Variants in FCHO1 observed in about 807,000 individuals in gnomAD.
FCHO1 encodes F-BAR domain only protein 1.
Under a neutral mutation model 114.4 loss-of-function variants are expected in FCHO1, and 45 were observed. The observed-to-expected ratio is 0.39, with a 90% CI of 0.31 to 0.50. The LOEUF (loss-of-function observed/expected upper bound fraction) is 0.50, where lower values mean the gene tolerates loss of function less well. FCHO1 is among the 20% of genes least tolerant of loss of function. The probability of loss-of-function intolerance (pLI) is 0.77; values close to 1 mark genes in which losing one functional copy is unlikely to be tolerated. For synonymous variants in FCHO1, 480 were observed against 488.9 expected (o/e 0.98, Z 0.24); for missense variants, 1,042 against 1,209.6 (o/e 0.86, Z 2.06).
At position 17,776,202 on chromosome 19, in the gene FCHO1, C is replaced by T; in HGVS notation, c.1182+41C>T. ...GGTGCCCTGGGTGTTGCTAGAGAGG[C>T]TGGCTGGATGCATTCGTGTGTGATG... On this transcript the variant is annotated intron_variant, in intron 16 of 28. Transcript: ENST00000596536. The surrounding 1 kb of genome is among the most constrained non-coding windows in gnomAD (Gnocchi z 4.4). The T allele has an allele frequency of 6.2e-7, 1 of 1,614,052 alleles. No homozygotes were observed. Among genetic ancestry groups the T allele is most frequent in the East Asian group, 2.2e-5 (1 of 44,864 alleles).
At chr19:17,760,785 G>T (rs1466997379) in intron 4 of FCHO1, among the ~76,000 whole-genome samples, 1 of 152,088 alleles carries the variant, frequency 6.6e-6, no homozygotes, top group East Asian at 1.9e-4. Flanking sequence ...GAGTAGCTGG[G>T]ATTACAGGCA....
intron 23 of FCHO1, 138 bp downstream of exon 23, chr19:17,781,958 T>G (rs2093453475): frequency 1.9e-6 from 1 of 531,700 alleles, no homozygotes; most frequent in Non-Finnish European, 3.2e-6. Flanking sequence ...CAGGCCCCTG[T>G]CCTGAGGGCA....
chr19:17,765,530 G>A (rs183614625), intron 6 of FCHO1, among the ~76,000 whole-genome samples: 183 of 152,032 alleles, frequency 1.2e-3, no homozygotes, highest in African/African-American at 4.4e-3. Flanking sequence ...AAAATTAGCC[G>A]GGCATGGTGG....
rs958904864 is a variant in FCHO1, at chr19:17,762,647, G to A, written c.28-115G>A. 1.2e-4 allele frequency: 99 copies of A among 803,098 alleles called. No homozygotes were observed. The African/African-American group carries it at 1.2e-3, about 10-fold the overall frequency. The allele number at this position is 803,098 out of a possible 1,614,324, so 49.7% of individuals were successfully genotyped here. A position where few individuals can be genotyped will look rare whatever the true frequency, so the allele number is the denominator to read the frequency against. ...GCAGCAAGCTGATTCGCTCAGGCCC[G>A]AACAAGTCCCTACAGCCAAGGGGAT... On this transcript the variant is annotated intron_variant, in intron 4 of 28. Transcript: ENST00000596536.
At chr19:17,756,821 G>A (rs530072604) in intron 4 of FCHO1, among the ~76,000 whole-genome samples, 35 of 152,300 alleles carry the variant, frequency 2.3e-4, no homozygotes, top group African/African-American at 7.0e-4. Flanking sequence ...GGGCAGGGCC[G>A]AAGCATGAAG....
intron 4 of FCHO1, among the ~76,000 whole-genome samples, chr19:17,756,806 C>T (rs977597636): frequency 2.0e-5 from 3 of 152,094 alleles, no homozygotes; most frequent in Non-Finnish European, 1.5e-5. Context: ...AGTCTCATTG[C>T]GCCAGGGCAG....
chr19:17,784,919 C>T lies in FCHO1; in HGVS notation c.2421C>T (p.Ala807=). The change falls in exon 26 of 29, where the codon GCC becomes GCT. Residue 807 remains alanine, a synonymous_variant. Coordinates refer to ENST00000596536, the MANE Select transcript of FCHO1 (RefSeq NM_015122.3). This position sits in a 1 kb window ranked among gnomAD's most constrained non-coding sequence, Gnocchi z 5.3. ...CCAACGTCCGCTTGCAGCCGGCTGC[C>T]ACCTGGTGAGGGCTTGCGGGAGGCC... ...PVTNVRLQPA[A]TWNLEEKRLT... 2 of 1,611,000 alleles carry T rather than the reference C, an allele frequency of 1.2e-6. No homozygotes were observed. The highest frequency in any genetic ancestry group is 1.3e-5 in the African/African-American group (1 of 75,064).
In FCHO1 at chr19:17,766,746, A is replaced by G. The variant is rs966279633; in HGVS notation, c.272A>G (p.Lys91Arg). 13 of 1,613,982 alleles carry G rather than the reference A, an allele frequency of 8.1e-6. No individual in the cohort carries two copies. The highest frequency in any genetic ancestry group is 1.3e-5 in the African/African-American group (1 of 74,910). The change falls in exon 7 of 29, where the codon AAG becomes AGG. Residue 91 changes from lysine to arginine, a missense_variant. This residue lies in a region of FCHO1 where 450 missense variants were observed against 564.1 expected (regional missense o/e 0.80). Coordinates refer to ENST00000596536, the MANE Select transcript of FCHO1 (RefSeq NM_015122.3). Reference sequence around the variant, plus strand: ...CTGTGCCACCTGGAACTGACACGGAAGTTACAGGATCTCATCAAGGACGTT... The same window carrying G: ...CTGTGCCACCTGGAACTGACACGGAGGTTACAGGATCTCATCAAGGACGTT... ...LALCHLELTR[K>R]LQDLIKDVLR...
At position 17,784,496 on chromosome 19, in the gene FCHO1, C is replaced by T. The variant is rs1041429380; in HGVS notation, c.2227-229C>T. Among the ~76,000 whole-genome samples, 6 of 152,122 alleles carry T rather than the reference C, an allele frequency of 3.9e-5. No individual in the cohort carries two copies. Among genetic ancestry groups the T allele is most frequent in the South Asian group, 2.1e-4 (1 of 4,834 alleles). ...ATGTGAACTAGAAGCAGCCCAGCCCCGGAACCTTACACTTGAACTTCCCTG... is the reference window on the plus strand; with the variant it reads ...ATGTGAACTAGAAGCAGCCCAGCCCTGGAACCTTACACTTGAACTTCCCTG... On this transcript the variant is annotated intron_variant, in intron 25 of 28. Transcript: ENST00000596536. The surrounding 1 kb of genome is among the most constrained non-coding windows in gnomAD (Gnocchi z 5.3).
At chr19:17,788,247 C>T in intron 28 of FCHO1, 37 bp from the exon 29 acceptor site, 1 of 1,257,316 alleles carries the variant, frequency 8.0e-7, no homozygotes, top group Non-Finnish European at 1.2e-6. Context: ...CGTACCCCTC[C>T]TCCCCACCCC....
Position 17,784,827 on chromosome 19 carries a change from G to A in FCHO1, c.2329G>A (p.Gly777Ser), listed in dbSNP as rs142335294. 4.1e-5 allele frequency: 66 copies of A among 1,613,846 alleles called. No homozygotes were observed. Among genetic ancestry groups the A allele is most frequent in the East Asian group, 8.9e-5 (4 of 44,902 alleles). Residue 777 changes from glycine (G) to serine (S), a missense_variant, in exon 26 of 29, where the codon GGT becomes AGT. Physicochemically the swap from Gly to Ser is moderately conservative, Grantham distance 56. This residue lies in a region of FCHO1 where 137 missense variants were observed against 190.0 expected (regional missense o/e 0.72). Transcript: ENST00000596536. The surrounding 1 kb of genome is among the most constrained non-coding windows in gnomAD (Gnocchi z 5.3). ...QVSVEYGYRPGATAVPTPLTN... is the reference protein window; with the variant it reads ...QVSVEYGYRPSATAVPTPLTN... ...CTCAGTGGAGTACGGCTACCGGCCC[G>A]GTGCCACGGCTGTGCCCACACCACT...
chr19:17,757,939 G>A (rs1276255087), intron 4 of FCHO1, among the ~76,000 whole-genome samples: 22 of 148,092 alleles, frequency 1.5e-4, no homozygotes, highest in South Asian at 2.1e-4. Context: ...AAAAAAAGCC[G>A]GGTGCGGTGG....
At chr19:17,781,381 C>T (rs200255536) in intron 21 of FCHO1, 38 bp downstream of exon 21, 176 of 1,607,326 alleles carry the variant, frequency 1.1e-4, no homozygotes, top group Non-Finnish European at 1.1e-4. Context: ...GACTGGGGGT[C>T]GCGTCTGGGG....
In FCHO1 at chr19:17,778,747, G is replaced by A. The variant is rs771028517; in HGVS notation, c.1490G>A (p.Gly497Asp). The A allele has an allele frequency of 1.3e-6, 2 of 1,539,500 alleles. No homozygotes were observed. The highest frequency in any genetic ancestry group is 2.4e-5 in the South Asian group (2 of 84,212). Residue 497 changes from glycine to aspartate, a missense_variant, in exon 20 of 29, where the codon GGC (glycine) becomes GAC (aspartate). Coordinates refer to ENST00000596536, the MANE Select transcript of FCHO1 (RefSeq NM_015122.3). Reference protein sequence around the residue: ...PSPDSWVPRPGTPQSPPSCRA... With the variant: ...PSPDSWVPRPDTPQSPPSCRA... ...CCAGATTCCTGGGTCCCCCGCCCAG[G>A]CACCCCGCAGAGCCCGCCCAGCTGT...
At chr19:17,787,906 C>T in intron 28 of FCHO1, 60 bp downstream of exon 28, 13 of 1,561,150 alleles carry the variant, frequency 8.3e-6, no homozygotes, top group Non-Finnish European at 2.6e-6. Context: ...GGGGCAAGCC[C>T]CGGGGTGTGG....
chr19:17,781,292 A>G lies in FCHO1; in HGVS notation c.1689A>G (p.Arg563=). The G allele has an allele frequency of 1.2e-6, 2 of 1,613,922 alleles. No individual in the cohort carries two copies. Among genetic ancestry groups the G allele is most frequent in the Admixed American group, 3.3e-5 (2 of 60,000 alleles). The change falls in exon 21 of 29, where the codon AGA becomes AGG. Residue 563 remains arginine (R), a synonymous_variant. Coordinates refer to ENST00000596536, the MANE Select transcript of FCHO1 (RefSeq NM_015122.3). ...AGGGCCTGGCAGCCCCACCCAGGAG[A>G]CTTCGCTCTAGGAAGGTGTCCTGCC... ...AREGLAAPPR[R]LRSRKVSCPL... is the part of the protein sequence containing the mutation.
intron 4 of FCHO1, among the ~76,000 whole-genome samples, chr19:17,756,914 C>A (rs550199844): frequency 6.6e-6 from 1 of 152,032 alleles, no homozygotes; most frequent in East Asian, 1.9e-4. Context: ...CTTGGCTGGG[C>A]GCAGTGGCTC....
chr19:17,761,870 A>T (rs2086395315), intron 4 of FCHO1, among the ~76,000 whole-genome samples: 1 of 150,470 alleles, frequency 6.6e-6, no homozygotes, highest in South Asian at 2.1e-4. Flanking sequence ...CATGCTGGCC[A>T]GGCTGATCCC....
intron 7 of FCHO1, among the ~76,000 whole-genome samples, chr19:17,768,226 G>A (rs932414710): frequency 5.3e-5 from 8 of 152,022 alleles, no homozygotes; most frequent in East Asian, 3.9e-4. Context: ...GCTGGTGCAC[G>A]CCTGGCTAAT....
Sources: gnomAD v4.1 joint callset for allele counts (sites outside exome capture counted in the v4.1 genomes callset) on GRCh38, gnomAD v4.1.1 for gene constraint, gnomAD v4.1.1 regional missense constraint, Gnocchi (gnomAD v3.1) non-coding constraint, MANE v1.5 for transcripts, NCBI Gene and HGNC (gene_info 2026-07-23, HGNC 2026-07-21) for gene names.